Variants in CTNNA3 observed in about 807,000 individuals in gnomAD.
CTNNA3 encodes the protein catenin alpha-3.
Under a neutral mutation model 95.7 loss-of-function variants are expected in CTNNA3, and 76 were observed. That is an observed-to-expected ratio of 0.79 (90% CI 0.66 to 0.96). The LOEUF (loss-of-function observed/expected upper bound fraction) is 0.96. Among genes scored for constraint, CTNNA3 ranks in the 40% least tolerant of loss-of-function variants. The pLI is 0.00. For missense variants in CTNNA3, 1,191 were observed against 1,089.8 expected, an observed-to-expected ratio of 1.09 and a Z score of -1.31; for synonymous variants, 431 against 374.4, an observed-to-expected ratio of 1.15 and a Z score of -1.74.
At chr10:66,611,453 T>C (rs1217890100) in intron 10 of CTNNA3, among the ~76,000 whole-genome samples, 1 of 151,972 alleles carries the variant, frequency 6.6e-6, no homozygotes, top group Non-Finnish European at 1.5e-5. Flanking sequence ...AAAAAATAAC[T>C]GATAGTAAAA....
At chr10:66,563,275 AGAG>A (rs1311655964) in intron 10 of CTNNA3, among the ~76,000 whole-genome samples, 1 of 152,170 alleles carries the variant, frequency 6.6e-6, no homozygotes, top group Non-Finnish European at 1.5e-5. Flanking sequence ...TTTTACAAAA[AGAG>A]AAACAAATCA....
intron 3 of CTNNA3, among the ~76,000 whole-genome samples, chr10:67,581,646 C>T (rs1589451345): frequency 6.6e-6 from 1 of 152,312 alleles, no homozygotes; most frequent in Non-Finnish European, 1.5e-5. Context: ...ACCAGCTCCT[C>T]CTCATACCTC....
At chr10:66,385,469 A>T (rs949085106) in intron 11 of CTNNA3, among the ~76,000 whole-genome samples, 11 of 152,236 alleles carry the variant, frequency 7.2e-5, no homozygotes, top group African/African-American at 2.4e-4. Context: ...AACCAAAAAA[A>T]GTCCAGGACC....
chr10:66,846,513 T>G (rs1190247141), intron 7 of CTNNA3, among the ~76,000 whole-genome samples: 1 of 151,886 alleles, frequency 6.6e-6, no homozygotes, highest in Non-Finnish European at 1.5e-5. Context: ...AGGGGATAGA[T>G]ATGTTTGATT....
intron 15 of CTNNA3, among the ~76,000 whole-genome samples, chr10:66,021,118 G>C (rs1417709791): frequency 6.6e-6 from 1 of 152,106 alleles, no homozygotes; most frequent in African/African-American, 2.4e-5. Context: ...AAACGTCTGT[G>C]ATCTCTATTT....
chr10:66,729,268 G>A (rs1564644041), intron 9 of CTNNA3, among the ~76,000 whole-genome samples: 2 of 152,224 alleles, frequency 1.3e-5, no homozygotes, highest in South Asian at 4.1e-4. Flanking sequence ...TCTCATGCCA[G>A]TCAGAATAGC....
At chr10:66,916,340 G>A (rs1456903517) in intron 7 of CTNNA3, among the ~76,000 whole-genome samples, 1 of 152,124 alleles carries the variant, frequency 6.6e-6, no homozygotes. Flanking sequence ...AGTTAAAATA[G>A]CAAGAAATTA....
At chr10:66,602,485 T>C (rs1209521332) in intron 10 of CTNNA3, among the ~76,000 whole-genome samples, 1 of 151,856 alleles carries the variant, frequency 6.6e-6, no homozygotes, top group Non-Finnish European at 1.5e-5. Context: ...AAGCTCATAC[T>C]AATATTTAGC....
At chr10:65,926,778 A>C (rs1262299991) in intron 17 of CTNNA3, among the ~76,000 whole-genome samples, 1 of 152,028 alleles carries the variant, frequency 6.6e-6, no homozygotes, top group Admixed American at 6.6e-5. Context: ...ATTGTCACAC[A>C]TCTTCATCTA....
chr10:66,834,380 A>C lies in CTNNA3; in HGVS notation c.1048-58856T>G, dbSNP rs570890176. ...AGGGGCATTAACAATAACACTTCAC[A>C]GTTACACAGGATTTTAGAATTGACA... is the stretch of plus-strand genomic sequence containing the variant. On this transcript the variant is annotated intron_variant, in intron 7 of 17. Coordinates refer to ENST00000433211, the MANE Select transcript of CTNNA3 (RefSeq NM_013266.4). 5.9e-5 allele frequency among the ~76,000 whole-genome samples: 9 copies of C among 152,328 alleles called. No individual in the cohort carries two copies. The South Asian group carries it at 1.9e-3, about 32-fold the overall frequency.
At chr10:67,160,268 T>C (rs1165202588) in intron 7 of CTNNA3, among the ~76,000 whole-genome samples, 1 of 152,130 alleles carries the variant, frequency 6.6e-6, no homozygotes, top group Non-Finnish European at 1.5e-5. Context: ...ACACTATTGA[T>C]ATAAATGTAA....
chr10:66,270,905 T>C (rs1443946157), intron 13 of CTNNA3, among the ~76,000 whole-genome samples: 1 of 152,160 alleles, frequency 6.6e-6, no homozygotes, highest in Non-Finnish European at 1.5e-5. Context: ...AGAGTAGTAG[T>C]AGGATAAGTG....
intron 7 of CTNNA3, among the ~76,000 whole-genome samples, chr10:67,045,629 G>A (rs1395774541): frequency 1.3e-5 from 2 of 152,140 alleles, no homozygotes; most frequent in Non-Finnish European, 2.9e-5. Flanking sequence ...GCCAGACCCC[G>A]TTTCCCAGGA....
chr10:66,827,083 C>A (rs999933151), intron 7 of CTNNA3, among the ~76,000 whole-genome samples: 2 of 152,108 alleles, frequency 1.3e-5, no homozygotes, highest in Non-Finnish European at 2.9e-5. Flanking sequence ...CATAAGAGAC[C>A]ACAACCTCAG....
At chr10:66,354,033 A>G (rs2132400166) in intron 12 of CTNNA3, among the ~76,000 whole-genome samples, 1 of 152,282 alleles carries the variant, frequency 6.6e-6, no homozygotes, top group South Asian at 2.1e-4. Context: ...CTGTAATCCC[A>G]GCAGTTTGGG....
At chr10:66,905,227 C>T (rs146416306) in intron 7 of CTNNA3, among the ~76,000 whole-genome samples, 52 of 152,084 alleles carry the variant, frequency 3.4e-4, no homozygotes, top group African/African-American at 1.2e-3. Flanking sequence ...GCAGGGACAT[C>T]GATGATGCTG....
At chr10:66,766,446 T>G (rs147994731) in intron 8 of CTNNA3, 30 bp from the exon 9 acceptor site, 1 of 1,575,238 alleles carries the variant, frequency 6.3e-7, no homozygotes, top group Non-Finnish European at 8.6e-7. Context: ...TCAGGTTTTT[T>G]TTTTCCAGGA....
chr10:67,697,736 G>T (rs1399657696), upstream of CTNNA3, among the ~76,000 whole-genome samples: 1 of 147,254 alleles, frequency 6.8e-6, no homozygotes, highest in Non-Finnish European at 1.5e-5. Context: ...ATTTTAAAGA[G>T]CTTTTATAGT....
At chr10:66,654,086 A>G (rs927405177) in intron 9 of CTNNA3, among the ~76,000 whole-genome samples, 22 of 152,250 alleles carry the variant, frequency 1.4e-4, no homozygotes, top group African/African-American at 5.1e-4. Context: ...AAAAGGCAAC[A>G]AAAGTGAAAA....
Sources: gnomAD v4.1 joint callset for allele counts (sites outside exome capture counted in the v4.1 genomes callset) on GRCh38, gnomAD v4.1.1 for gene constraint, MANE v1.5 for transcripts, NCBI Gene and HGNC (gene_info 2026-07-23, HGNC 2026-07-21) for gene names.